MAF: variants seen among roughly 807,000 people sequenced by gnomAD.
The protein encoded by MAF is transcription factor Maf.
MAF carries 10 observed loss-of-function variants against 22.0 expected under a neutral mutation model. The ratio of observed to expected loss-of-function variants is 0.45; its 90% confidence interval spans 0.28 to 0.77. The LOEUF is 0.77. MAF is among the 30% of genes least tolerant of loss of function. The pLI, the probability that MAF is intolerant of heterozygous loss-of-function variation, is 0.12. For missense variants in MAF, 544 were observed against 548.4 expected, an observed-to-expected ratio of 0.99 and a Z score of 0.08; for synonymous variants, 337 against 255.8, an observed-to-expected ratio of 1.32 and a Z score of -3.03.
the MAF span, among the ~76,000 whole-genome samples, chr16:79,236,345 G>C: frequency 2.0e-5 from 3 of 151,822 alleles, no homozygotes; most frequent in Non-Finnish European, 4.4e-5. Context: ...CCCTCCTCCA[G>C]GCTCATTGAG....
At chr16:79,279,192 T>C in the MAF span, among the ~76,000 whole-genome samples, 3 of 152,138 alleles carry the variant, frequency 2.0e-5, no homozygotes, top group Non-Finnish European at 2.9e-5. Flanking sequence ...AGAATGCTGC[T>C]TCTTCCCTCT....
At chr16:79,390,857 G>A in the MAF span, among the ~76,000 whole-genome samples, 16 of 152,200 alleles carry the variant, frequency 1.1e-4, no homozygotes, top group African/African-American at 3.9e-4. Context: ...CTAGGAAAGG[G>A]TTTGCTCACA....
the MAF span, among the ~76,000 whole-genome samples, chr16:79,382,807 G>A: frequency 6.6e-6 from 1 of 152,210 alleles, no homozygotes; most frequent in Non-Finnish European, 1.5e-5. Flanking sequence ...GAGGTTTGGA[G>A]CAAGGCAGAG....
At chr16:79,502,530 G>C in the MAF span, among the ~76,000 whole-genome samples, 5,365 of 151,470 alleles carry the variant, frequency 0.035, 303 homozygotes, top group African/African-American at 0.12. Context: ...GCTGAGCGTG[G>C]TGGTGCACAC....
At chr16:79,368,856 T>C in the MAF span, among the ~76,000 whole-genome samples, 1 of 152,198 alleles carries the variant, frequency 6.6e-6, no homozygotes, top group Non-Finnish European at 1.5e-5. Context: ...AGTTCCAATT[T>C]AAAATTGGAA....
the MAF span, among the ~76,000 whole-genome samples, chr16:79,264,962 G>A: frequency 7.9e-5 from 12 of 152,182 alleles, no homozygotes; most frequent in African/African-American, 2.4e-4. Flanking sequence ...GGAAGCTGTG[G>A]GAACCAGAAC....
chr16:79,331,787 C>T, the MAF span, among the ~76,000 whole-genome samples: 1 of 152,128 alleles, frequency 6.6e-6, no homozygotes, highest in Non-Finnish European at 1.5e-5. Context: ...CTCATTCCCT[C>T]CATTCAGAAC....
chr16:79,399,437 T>C, the MAF span, among the ~76,000 whole-genome samples: 2 of 152,216 alleles, frequency 1.3e-5, no homozygotes, highest in African/African-American at 2.4e-5. Flanking sequence ...ATTCTTCAAA[T>C]TGACTGCAAA....
the MAF span, among the ~76,000 whole-genome samples, chr16:79,216,923 C>A: frequency 1.3e-5 from 2 of 152,038 alleles, no homozygotes; most frequent in Admixed American, 6.5e-5. Flanking sequence ...GATTCTCCTG[C>A]CTCAGCCTCC....
chr16:79,299,547 T>C, the MAF span, among the ~76,000 whole-genome samples: 1 of 151,996 alleles, frequency 6.6e-6, no homozygotes, highest in Admixed American at 6.5e-5. Flanking sequence ...GACGGTTACT[T>C]TTTTTTCAGA....
At chr16:79,282,032 G>T in the MAF span, among the ~76,000 whole-genome samples, 1 of 152,174 alleles carries the variant, frequency 6.6e-6, no homozygotes, top group Non-Finnish European at 1.5e-5. Context: ...GCCGGGTGCA[G>T]TGGCTCATGC....
chr16:79,465,439 A>G, the MAF span, among the ~76,000 whole-genome samples: 1 of 152,116 alleles, frequency 6.6e-6, no homozygotes, highest in African/African-American at 2.4e-5. Flanking sequence ...AAAAAATACA[A>G]AAAATTAATT....
the MAF span, among the ~76,000 whole-genome samples, chr16:79,391,170 C>G: frequency 3.3e-5 from 5 of 152,150 alleles, no homozygotes; most frequent in African/African-American, 1.2e-4. Flanking sequence ...AGCCCTGAAA[C>G]CCAGTGCTCT....
At chr16:79,204,744 G>A in the MAF span, 1 of 152,146 alleles carries the variant, frequency 6.6e-6, no homozygotes, top group African/African-American at 2.4e-5. Flanking sequence ...GAACAAACAT[G>A]GCTTTGGACG....
chr16:79,289,307 C>G, the MAF span, among the ~76,000 whole-genome samples: 1 of 151,318 alleles, frequency 6.6e-6, no homozygotes, highest in East Asian at 1.9e-4. Flanking sequence ...TCTGGGATGG[C>G]GGGAGGTAGA....
the MAF span, among the ~76,000 whole-genome samples, chr16:79,335,687 A>T: frequency 6.6e-6 from 1 of 152,196 alleles, no homozygotes; most frequent in Non-Finnish European, 1.5e-5. Flanking sequence ...ATGAGTTTCC[A>T]TGAAGGGCAA....
the MAF span, among the ~76,000 whole-genome samples, chr16:79,215,966 T>C: frequency 1.3e-5 from 2 of 152,196 alleles, no homozygotes; most frequent in East Asian, 1.9e-4. Context: ...TCAGTCCCCA[T>C]GGGCCATTTT....
At chr16:79,493,655 T>C in the MAF span, among the ~76,000 whole-genome samples, 1 of 152,246 alleles carries the variant, frequency 6.6e-6, no homozygotes, top group African/African-American at 2.4e-5. Context: ...TCCATTGACC[T>C]GTGGTCTTTT....
the MAF span, among the ~76,000 whole-genome samples, chr16:79,453,687 G>A: frequency 1.1e-4 from 16 of 152,186 alleles, no homozygotes; most frequent in Non-Finnish European, 2.1e-4. Flanking sequence ...GGATAGGTCG[G>A]TCACAAGTGA....
Sources: gnomAD v4.1 joint callset for allele counts (sites outside exome capture counted in the v4.1 genomes callset) on GRCh38, gnomAD v4.1.1 for gene constraint, MANE v1.5 for transcripts, NCBI Gene and HGNC (gene_info 2026-07-23, HGNC 2026-07-21) for gene names.